The following SPOCK1 variants were observed in gnomAD, a reference collection of about 807,000 sequenced individuals.
The protein encoded by SPOCK1 is SPARC (osteonectin), cwcv and kazal like domains proteoglycan 1.
Under a neutral mutation model 55.3 loss-of-function variants are expected in SPOCK1, and 23 were observed. That is an observed-to-expected ratio of 0.42 (90% CI 0.30 to 0.59). The LOEUF (loss-of-function observed/expected upper bound fraction) is 0.59. SPOCK1 is among the 20% of genes least tolerant of loss of function. The probability of loss-of-function intolerance (pLI) is 0.22; values close to 1 mark genes in which losing one functional copy is unlikely to be tolerated. For missense variants in SPOCK1, 499 were observed against 552.5 expected (o/e 0.90, Z 0.97); for synonymous variants, 226 against 221.0 (o/e 1.02, Z -0.20).
At chr5:137,246,702 C>G (rs976500733) in intron 3 of SPOCK1, among the ~76,000 whole-genome samples, 1 of 152,168 alleles carries the variant, frequency 6.6e-6, no homozygotes, top group East Asian at 1.9e-4. Context: ...AATGACCACT[C>G]CCACCCACTA....
chr5:137,345,285 C>G (rs1156910525), intron 2 of SPOCK1, among the ~76,000 whole-genome samples: 3 of 152,184 alleles, frequency 2.0e-5, no homozygotes, highest in Non-Finnish European at 4.4e-5. Context: ...GAATTTGAGA[C>G]CTTGCAATGC....
chr5:137,377,055 A>G (rs112291071), intron 2 of SPOCK1, among the ~76,000 whole-genome samples: 2,576 of 152,292 alleles, frequency 0.017, 38 homozygotes, highest in Admixed American at 0.027. Context: ...AAACATTATT[A>G]TTTGTGGGTT....
At chr5:137,325,235 T>C in intron 2 of SPOCK1, among the ~76,000 whole-genome samples, 1 of 152,212 alleles carries the variant, frequency 6.6e-6, no homozygotes, top group East Asian at 1.9e-4. Context: ...CAATCAGCTA[T>C]GGTATTATCT....
chr5:137,480,941 C>T (rs1753938017), intron 2 of SPOCK1, among the ~76,000 whole-genome samples: 1 of 152,138 alleles, frequency 6.6e-6, no homozygotes, highest in South Asian at 2.1e-4. Flanking sequence ...TTTTGAGAAC[C>T]TTCATTGTGG....
intron 2 of SPOCK1, among the ~76,000 whole-genome samples, chr5:137,493,732 C>T (rs1171289632): frequency 6.6e-6 from 1 of 152,186 alleles, no homozygotes; most frequent in Non-Finnish European, 1.5e-5. Flanking sequence ...AAATGATTTT[C>T]TGCTACTCTC....
intron 2 of SPOCK1, among the ~76,000 whole-genome samples, chr5:137,460,310 C>T (rs903183253): frequency 6.6e-6 from 1 of 152,160 alleles, no homozygotes; most frequent in Non-Finnish European, 1.5e-5. Flanking sequence ...TGAAAATCTC[C>T]GCCCCTGTAT....
At chr5:137,362,272 A>G (rs1750965038) in intron 2 of SPOCK1, among the ~76,000 whole-genome samples, 1 of 152,032 alleles carries the variant, frequency 6.6e-6, no homozygotes, top group Non-Finnish European at 1.5e-5. Context: ...AATGACAATA[A>G]TTGTAATAAC....
chr5:137,007,563 G>A (rs532694115), intron 6 of SPOCK1, among the ~76,000 whole-genome samples: 122 of 152,324 alleles, frequency 8.0e-4, no homozygotes, highest in African/African-American at 2.7e-3. Flanking sequence ...GGTCATTAGA[G>A]AAATGCAAAT....
chr5:137,339,670 T>TGG (rs1358980436), intron 2 of SPOCK1, among the ~76,000 whole-genome samples: 3 of 152,130 alleles, frequency 2.0e-5, no homozygotes, highest in Non-Finnish European at 4.4e-5. Flanking sequence ...CTCATTACAC[T>TGG]GGAAGAGTCC....
intron 6 of SPOCK1, among the ~76,000 whole-genome samples, chr5:137,039,442 T>C (rs1313050873): frequency 1.3e-5 from 2 of 152,182 alleles, no homozygotes; most frequent in African/African-American, 4.8e-5. Flanking sequence ...CATTGAGTAC[T>C]TGAATTTCAG....
At chr5:137,136,424 G>A (rs1412248686) in intron 4 of SPOCK1, among the ~76,000 whole-genome samples, 1 of 152,012 alleles carries the variant, frequency 6.6e-6, no homozygotes, top group East Asian at 1.9e-4. Flanking sequence ...ATAATTTGTA[G>A]TATCATTAAA....
chr5:137,228,810 A>G (rs1440927937), intron 3 of SPOCK1, among the ~76,000 whole-genome samples: 1 of 152,180 alleles, frequency 6.6e-6, no homozygotes, highest in Non-Finnish European at 1.5e-5. Context: ...TACAAATATA[A>G]TATTTTCAGT....
intron 2 of SPOCK1, among the ~76,000 whole-genome samples, chr5:137,444,206 C>T (rs1404590650): frequency 6.6e-6 from 1 of 152,172 alleles, no homozygotes; most frequent in African/African-American, 2.4e-5. Flanking sequence ...CCACCTGACA[C>T]ATCCTTCTAC....
At chr5:137,001,835 T>C (rs998286185) in intron 6 of SPOCK1, among the ~76,000 whole-genome samples, 1 of 152,148 alleles carries the variant, frequency 6.6e-6, no homozygotes, top group African/African-American at 2.4e-5. Context: ...CCATAAGCAG[T>C]TTTGTAATAG....
chr5:137,444,743 C>G (rs907389253), intron 2 of SPOCK1, among the ~76,000 whole-genome samples: 9 of 152,224 alleles, frequency 5.9e-5, no homozygotes, highest in African/African-American at 2.2e-4. Context: ...AGAATATTGA[C>G]ATGAGTGTGC....
chr5:137,146,620 C>A (rs1754199601), intron 3 of SPOCK1, among the ~76,000 whole-genome samples: 1 of 152,230 alleles, frequency 6.6e-6, no homozygotes, highest in Non-Finnish European at 1.5e-5. Flanking sequence ...GCTTGTCTGT[C>A]CCCATGGTAA....
chr5:137,297,753 T>C (rs1388647296), intron 2 of SPOCK1, among the ~76,000 whole-genome samples: 1 of 152,054 alleles, frequency 6.6e-6, no homozygotes, highest in Non-Finnish European at 1.5e-5. Flanking sequence ...TTGTCAGAAG[T>C]TATCTCACTA....
rs1337638802 is a variant in SPOCK1, at chr5:137,356,279, G to T, written c.187-89224C>A. On this transcript the variant is annotated intron_variant, in intron 2 of 10. Coordinates refer to ENST00000394945, the MANE Select transcript of SPOCK1 (RefSeq NM_004598.4). ...ATTACTAAGTTGACTGCCAAGTGAG[G>T]TCAATTTGTAATTTAAATCTGTGCT... Among the ~76,000 whole-genome samples, 4 of 152,144 alleles carry T rather than the reference G, an allele frequency of 2.6e-5. No individual in the cohort carries two copies. In the East Asian group the frequency reaches 7.7e-4, roughly 29 times the overall value.
intron 2 of SPOCK1, among the ~76,000 whole-genome samples, chr5:137,459,436 G>A (rs985791191): frequency 7.3e-6 from 1 of 137,258 alleles, no homozygotes; most frequent in Non-Finnish European, 1.5e-5. Context: ...CAAACAGAGA[G>A]AGGCTAATGA....
Sources: allele counts gnomAD v4.1 joint callset (sites outside exome capture counted in the v4.1 genomes callset), GRCh38; gene constraint gnomAD v4.1.1; transcripts MANE v1.5; gene names NCBI Gene and HGNC (gene_info 2026-07-23, HGNC 2026-07-21).